FABP7: variants seen among roughly 807,000 people sequenced by gnomAD.
FABP7 encodes the protein fatty acid binding protein 7.
Under a neutral mutation model 14.2 loss-of-function variants are expected in FABP7, and 13 were observed. The observed-to-expected ratio is 0.91, with a 90% CI of 0.59 to 1.45. The LOEUF is 1.45. FABP7 is among the 40% of genes most tolerant of loss of function. FABP7 has a pLI of 0.00. For synonymous variants in FABP7, 49 were observed against 51.4 expected (o/e 0.95, Z 0.20); for missense variants, 149 against 157.6 (o/e 0.95, Z 0.29).
chr6:122,771,757 C>G, the FABP7 span, among the ~76,000 whole-genome samples: 1 of 152,160 alleles, frequency 6.6e-6, no homozygotes, highest in Non-Finnish European at 1.5e-5. Flanking sequence ...GCTTAGATAC[C>G]TTTCTCTGGG....
chr6:122,782,154 T>C (rs1391527374), intron 3 of FABP7: 22 of 982,986 alleles, frequency 2.2e-5, no homozygotes, highest in East Asian at 1.1e-4. Flanking sequence ...ACATGAAAAA[T>C]ATTTTTTTCA....
chr6:122,779,132 T>C (rs1374077966), upstream of FABP7, among the ~76,000 whole-genome samples: 3 of 152,102 alleles, frequency 2.0e-5, no homozygotes, highest in Non-Finnish European at 4.4e-5. Context: ...CTTCAAGCAG[T>C]ATATCCAGGG....
chr6:122,781,131 A>T lies in FABP7; in HGVS notation c.285A>T (p.Ile95=). 1 of 1,613,990 alleles carries T rather than the reference A, an allele frequency of 6.2e-7. No individual in the cohort carries two copies. Among genetic ancestry groups the T allele is most frequent in the Non-Finnish European group, 8.5e-7 (1 of 1,179,898 alleles). Residue 95 remains isoleucine, a synonymous_variant, in exon 3 of 4, where the codon ATA becomes ATT. Coordinates refer to ENST00000368444, the MANE Select transcript of FABP7 (RefSeq NM_001446.5). ...VSLDGDKLVH[I]QKWDGKETNF... ...TGGATGGAGACAAACTTGTTCACAT[A>T]CAGAAATGGGATGGCAAAGAAACAA... is the stretch of plus-strand genomic sequence containing the variant.
At position 122,781,173 on chromosome 6, in the gene FABP7, T is replaced by C; in HGVS notation, c.327T>C (p.Ile109=). The change falls in exon 3 of 4, where the codon ATT becomes ATC. Residue 109 remains isoleucine, a synonymous_variant. Transcript: ENST00000368444. ...AAGAAACAAATTTTGTAAGAGAAAT[T>C]AAGGATGGCAAAATGGTTATGGTAA... ...DGKETNFVRE[I]KDGKMVMTLT... 1 of 1,614,010 alleles carries C rather than the reference T, an allele frequency of 6.2e-7. No individual in the cohort carries two copies. Among genetic ancestry groups the C allele is most frequent in the South Asian group, 1.1e-5 (1 of 91,084 alleles).
At chr6:122,765,081 C>T in the FABP7 span, among the ~76,000 whole-genome samples, 1 of 152,050 alleles carries the variant, frequency 6.6e-6, no homozygotes, top group Non-Finnish European at 1.5e-5. Flanking sequence ...TTTACAGGCA[C>T]ATGTAATGGG....
the FABP7 span, among the ~76,000 whole-genome samples, chr6:122,771,962 A>G: frequency 6.6e-6 from 1 of 152,248 alleles, no homozygotes; most frequent in South Asian, 2.1e-4. Flanking sequence ...GTAGAGCACA[A>G]TGCATAATAA....
chr6:122,767,690 A>C, the FABP7 span, among the ~76,000 whole-genome samples: 38 of 150,910 alleles, frequency 2.5e-4, no homozygotes, highest in South Asian at 8.0e-3. Flanking sequence ...GTGGGGGGAT[A>C]GCTTGAGCCC....
upstream of FABP7, among the ~76,000 whole-genome samples, chr6:122,776,214 A>G (rs1780670672): frequency 1.3e-5 from 2 of 152,178 alleles, no homozygotes; most frequent in African/African-American, 4.8e-5. Flanking sequence ...TCAAAGAGTT[A>G]TCTGTGCTTC....
upstream of FABP7, among the ~76,000 whole-genome samples, chr6:122,777,984 G>A (rs1043067176): frequency 3.3e-5 from 5 of 152,070 alleles, no homozygotes; most frequent in African/African-American, 9.7e-5. Context: ...TCAGCTTCAA[G>A]ATATCCCAGC....
the FABP7 span, among the ~76,000 whole-genome samples, chr6:122,757,502 G>T: frequency 6.6e-6 from 1 of 152,106 alleles, no homozygotes; most frequent in Non-Finnish European, 1.5e-5. Flanking sequence ...ATGCAATGTC[G>T]TAGAAGAGGA....
At chr6:122,758,781 G>C in the FABP7 span, among the ~76,000 whole-genome samples, 1 of 152,064 alleles carries the variant, frequency 6.6e-6, no homozygotes, top group East Asian at 1.9e-4. Context: ...TATTTTATAT[G>C]TTTTATAATG....
At chr6:122,758,946 A>T in the FABP7 span, among the ~76,000 whole-genome samples, 35 of 152,332 alleles carry the variant, frequency 2.3e-4, no homozygotes, top group African/African-American at 7.0e-4. Context: ...CTGCTTCTAA[A>T]TCTTATAGTG....
rs1008784194 is a variant in FABP7, at chr6:122,783,253, A to G, written c.349-464A>G. On this transcript the variant is annotated intron_variant, in intron 3 of 3. Transcript: ENST00000368444. ...ACAAGGAGAATATTTGTACCTTTAC[A>G]TGTTCCTCTTGATTTTGGAACAAGT... 5 of 985,384 alleles carry G rather than the reference A, an allele frequency of 5.1e-6. No individual in the cohort carries two copies. The African/African-American group carries it at 7.0e-5, about 14-fold the overall frequency. 61.0% of individuals were successfully genotyped at this position (985,384 alleles called of 1,614,324 possible).
chr6:122,783,072 C>T lies in FABP7; in HGVS notation c.349-645C>T. The T allele has an allele frequency of 3.0e-6, 3 of 985,392 alleles. No individual in the cohort carries two copies. In the South Asian group the frequency reaches 1.4e-4, roughly 46 times the overall value. The allele number at this position is 985,392 out of a possible 1,614,324, so 61.0% of individuals were successfully genotyped here. A position where few individuals can be genotyped will look rare whatever the true frequency, so the allele number is the denominator to read the frequency against. On this transcript the variant is annotated intron_variant, in intron 3 of 3. Coordinates refer to ENST00000368444, the MANE Select transcript of FABP7 (RefSeq NM_001446.5). ...TATACTCCTGAACATCACATCAATACATGAAAACCATGAGCACCAAAACCC... is the reference window on the plus strand; with the variant it reads ...TATACTCCTGAACATCACATCAATATATGAAAACCATGAGCACCAAAACCC...
the FABP7 span, among the ~76,000 whole-genome samples, chr6:122,763,086 T>C: frequency 1.3e-5 from 2 of 152,030 alleles, no homozygotes; most frequent in African/African-American, 4.8e-5. Context: ...GCCAAGACAA[T>C]CCTTAGGAAA....
chr6:122,759,680 T>C, the FABP7 span, among the ~76,000 whole-genome samples: 1 of 152,220 alleles, frequency 6.6e-6, no homozygotes, highest in South Asian at 2.1e-4. Context: ...TAATTTTATA[T>C]ATGGTGAGGA....
At position 122,782,675 on chromosome 6, in the gene FABP7, C is replaced by G; in HGVS notation, c.349-1042C>G. The G allele has an allele frequency of 3.0e-6, 3 of 985,354 alleles. No homozygotes were observed. In the South Asian group the frequency reaches 1.4e-4, roughly 46 times the overall value. The allele number at this position is 985,354 out of a possible 1,614,324, so 61.0% of individuals were successfully genotyped here. A position where few individuals can be genotyped will look rare whatever the true frequency, so the allele number is the denominator to read the frequency against. On this transcript the variant is annotated intron_variant, in intron 3 of 3. Coordinates refer to ENST00000368444, the MANE Select transcript of FABP7 (RefSeq NM_001446.5). ...AGGGTGTGAGAATGCTTTACATAGT[C>G]CTTGTACGATGACAGCAGAGAAAGT...
the FABP7 span, among the ~76,000 whole-genome samples, chr6:122,769,165 G>T: frequency 9.6e-4 from 146 of 152,208 alleles, no homozygotes; most frequent in African/African-American, 3.2e-3. Context: ...GAATCTGGAA[G>T]TGACCCATGA....
upstream of FABP7, among the ~76,000 whole-genome samples, chr6:122,775,709 A>AAAC (rs1554243108): frequency 1.4e-4 from 21 of 151,480 alleles, no homozygotes; most frequent in Admixed American, 1.3e-3. Context: ...AACAACAAAA[A>AAAC]AAACAAACAA....
Sources: gnomAD v4.1 joint callset for allele counts (sites outside exome capture counted in the v4.1 genomes callset) on GRCh38, gnomAD v4.1.1 for gene constraint, MANE v1.5 for transcripts, NCBI Gene and HGNC (gene_info 2026-07-23, HGNC 2026-07-21) for gene names.